Variants in MGMT observed in about 807,000 individuals in gnomAD.
MGMT encodes methylated-DNA--protein-cysteine methyltransferase.
Under a neutral mutation model 15.9 loss-of-function variants are expected in MGMT, and 14 were observed. That is an observed-to-expected ratio of 0.88 (90% CI 0.58 to 1.37). The LOEUF (loss-of-function observed/expected upper bound fraction) is 1.37, where lower values mean the gene tolerates loss of function less well. Ranked by LOEUF, MGMT falls within the 40% of genes most tolerant of loss-of-function variation. The pLI is 0.00. For missense variants in MGMT, 282 were observed against 268.1 expected (o/e 1.05, Z -0.36); for synonymous variants, 130 against 118.2 (o/e 1.10, Z -0.65).
At chr10:129,682,012 A>G (rs897021135) in intron 2 of MGMT, among the ~76,000 whole-genome samples, 1 of 152,194 alleles carries the variant, frequency 6.6e-6, no homozygotes, top group Non-Finnish European at 1.5e-5. Context: ...CAACAGAGAA[A>G]TGCAAATCAG....
chr10:129,643,273 A>C (rs545336491), intron 2 of MGMT, among the ~76,000 whole-genome samples: 2 of 152,338 alleles, frequency 1.3e-5, no homozygotes, highest in East Asian at 3.9e-4. Flanking sequence ...AGAGATCTAC[A>C]AGAGAATAGA....
intron 2 of MGMT, among the ~76,000 whole-genome samples, chr10:129,661,882 C>G (rs1416395548): frequency 6.6e-6 from 1 of 152,130 alleles, no homozygotes; most frequent in Non-Finnish European, 1.5e-5. Flanking sequence ...TAAGGTTTTT[C>G]TACATAGATG....
chr10:129,586,097 C>T (rs1186854570), intron 2 of MGMT, among the ~76,000 whole-genome samples: 2 of 152,132 alleles, frequency 1.3e-5, no homozygotes, highest in Non-Finnish European at 1.5e-5. Context: ...TCCCACTACT[C>T]AGAATGGTGT....
chr10:129,698,344 G>A (rs566370853), intron 2 of MGMT, among the ~76,000 whole-genome samples: 2 of 150,872 alleles, frequency 1.3e-5, no homozygotes, highest in African/African-American at 4.9e-5. Flanking sequence ...TGTATAGATC[G>A]ACGTGGCTTC....
intron 2 of MGMT, among the ~76,000 whole-genome samples, chr10:129,590,953 T>C (rs1268946197): frequency 6.6e-6 from 1 of 152,212 alleles, no homozygotes; most frequent in Non-Finnish European, 1.5e-5. Context: ...CTCCAGCAAA[T>C]TGGCCATTTA....
At chr10:129,704,271 G>A (rs374219755) in intron 2 of MGMT, among the ~76,000 whole-genome samples, 6 of 152,228 alleles carry the variant, frequency 3.9e-5, no homozygotes, top group African/African-American at 1.4e-4. Flanking sequence ...GCACTCCCAT[G>A]CCCTAAGGAA....
At chr10:129,609,951 G>T (rs576605603) in intron 2 of MGMT, among the ~76,000 whole-genome samples, 1 of 152,308 alleles carries the variant, frequency 6.6e-6, no homozygotes, top group Non-Finnish European at 1.5e-5. Context: ...GAGATGCCCA[G>T]TGACGTCTGT....
At chr10:129,670,180 A>G (rs1392364684) in intron 2 of MGMT, among the ~76,000 whole-genome samples, 2 of 150,772 alleles carry the variant, frequency 1.3e-5, no homozygotes, top group Non-Finnish European at 3.0e-5. Flanking sequence ...TCAGATTCAC[A>G]TATTTTATGC....
chr10:129,634,516 T>C (rs1847244658), intron 2 of MGMT, among the ~76,000 whole-genome samples: 1 of 152,130 alleles, frequency 6.6e-6, no homozygotes, highest in Non-Finnish European at 1.5e-5. Flanking sequence ...TTCCTTCCTT[T>C]CTTCCTTCCT....
At chr10:129,665,324 C>T (rs1016234564) in intron 2 of MGMT, among the ~76,000 whole-genome samples, 1 of 149,332 alleles carries the variant, frequency 6.7e-6, no homozygotes, top group African/African-American at 2.5e-5. Context: ...CTCTCTAACT[C>T]AGAAAAGTGG....
chr10:129,654,085 G>T (rs1847496001), intron 2 of MGMT, among the ~76,000 whole-genome samples: 1 of 152,200 alleles, frequency 6.6e-6, no homozygotes, highest in Non-Finnish European at 1.5e-5. Flanking sequence ...CTCCACGCCT[G>T]TCTGTCCTTG....
At chr10:129,530,739 G>A (rs1845921694) in intron 1 of MGMT, among the ~76,000 whole-genome samples, 1 of 152,238 alleles carries the variant, frequency 6.6e-6, no homozygotes, top group Non-Finnish European at 1.5e-5. Context: ...CCTGGCCATG[G>A]CGGCCTCAGG....
At chr10:129,617,837 C>G (rs1244953954) in intron 2 of MGMT, among the ~76,000 whole-genome samples, 2 of 152,020 alleles carry the variant, frequency 1.3e-5, no homozygotes, top group Non-Finnish European at 2.9e-5. Flanking sequence ...GGTATTAGAC[C>G]TTTGGGGGAT....
intron 1 of MGMT, among the ~76,000 whole-genome samples, chr10:129,476,930 G>A (rs1353441452): frequency 6.6e-6 from 1 of 152,154 alleles, no homozygotes; most frequent in African/African-American, 2.4e-5. Context: ...CTGGGCACTG[G>A]CACAGACAGG....
chr10:129,593,981 T>C (rs1245499738), intron 2 of MGMT, among the ~76,000 whole-genome samples: 2 of 152,230 alleles, frequency 1.3e-5, no homozygotes, highest in Non-Finnish European at 2.9e-5. Context: ...GGGAAGCTTG[T>C]GATCCACATT....
intron 2 of MGMT, among the ~76,000 whole-genome samples, chr10:129,688,396 G>A (rs1171765791): frequency 6.6e-6 from 1 of 152,230 alleles, no homozygotes; most frequent in Non-Finnish European, 1.5e-5. Context: ...ACTGGTGTGA[G>A]ATGGTATCTC....
At chr10:129,676,948 T>A (rs1341448268) in intron 2 of MGMT, among the ~76,000 whole-genome samples, 1 of 152,144 alleles carries the variant, frequency 6.6e-6, no homozygotes, top group Non-Finnish European at 1.5e-5. Context: ...GTCCTCAAGG[T>A]CCTTATTTCA....
rs1845984021 is a variant in MGMT, at chr10:129,536,347, A to G, written c.95A>G (p.Lys32Arg). ...TGTGAGCAGGGTCTGCACGAAATAA[A>G]GCTCCTGGGCAAGGGGACGTCTGCA... The part of the protein sequence containing the change: ...SGCEQGLHEI[K>R]LLGKGTSAAD... Residue 32 changes from lysine (K) to arginine (R), a missense_variant, in exon 2 of 5, where the codon AAG (lysine) becomes AGG (arginine). Coordinates refer to ENST00000651593, the MANE Select transcript of MGMT (RefSeq NM_002412.5). 2 of 1,613,962 alleles carry G rather than the reference A, an allele frequency of 1.2e-6. No individual in the cohort carries two copies. Among genetic ancestry groups the G allele is most frequent in the African/African-American group, 1.3e-5 (1 of 74,912 alleles).
chr10:129,734,186 C>A (rs1329932343), intron 3 of MGMT, among the ~76,000 whole-genome samples: 2 of 148,406 alleles, frequency 1.3e-5, no homozygotes, highest in Admixed American at 1.4e-4. Context: ...TTCTTCCTAC[C>A]CATGAGCATG....
Sources: allele counts gnomAD v4.1 joint callset (sites outside exome capture counted in the v4.1 genomes callset), GRCh38; gene constraint gnomAD v4.1.1; transcripts MANE v1.5; gene names NCBI Gene and HGNC (gene_info 2026-07-23, HGNC 2026-07-21).